ROBO2: variants seen among roughly 807,000 people sequenced by gnomAD.
ROBO2 encodes the protein roundabout guidance receptor 2.
ROBO2 carries 53 observed loss-of-function variants against 160.8 expected under a neutral mutation model. That is an observed-to-expected ratio of 0.33 (90% confidence interval 0.26 to 0.41). The LOEUF is 0.41. ROBO2 is among the 10% of genes least tolerant of loss of function. ROBO2 has a pLI of 1.00. For missense variants in ROBO2, 1,577 were observed against 1,722.4 expected, an observed-to-expected ratio of 0.92 and a Z score of 1.49; for synonymous variants, 664 against 611.7, an observed-to-expected ratio of 1.09 and a Z score of -1.26.
At chr3:76,799,640 C>G (rs1167012125) in intron 2 of ROBO2, among the ~76,000 whole-genome samples, 1 of 151,602 alleles carries the variant, frequency 6.6e-6, no homozygotes, top group Non-Finnish European at 1.5e-5. Flanking sequence ...ACAAAGAAAA[C>G]AAAATACCCA....
chr3:75,986,732 A>G (rs2065425605), intron 2 of ROBO2, among the ~76,000 whole-genome samples: 1 of 151,634 alleles, frequency 6.6e-6, no homozygotes, highest in African/African-American at 2.4e-5. Context: ...GCATAGTGTT[A>G]TACGAGGGTC....
intron 2 of ROBO2, among the ~76,000 whole-genome samples, chr3:76,564,625 G>A (rs1483478932): frequency 6.6e-6 from 1 of 152,182 alleles, no homozygotes; most frequent in Non-Finnish European, 1.5e-5. Flanking sequence ...TCCAGGCTCT[G>A]TGAGGCCATG....
chr3:77,075,582 G>A lies in ROBO2; in HGVS notation c.62-22432G>A, dbSNP rs148208146. 7.8e-3 allele frequency among the ~76,000 whole-genome samples: 1,174 copies of A among 150,060 alleles called. 10 individuals carry two copies. The highest frequency in any genetic ancestry group is 0.013 in the Non-Finnish European group (865 of 67,664). ...AACTAACAGAAAAAGTAACTTTTTTGCATTTAAATGTTGATATATACAACA... is the reference window on the plus strand; with the variant it reads ...AACTAACAGAAAAAGTAACTTTTTTACATTTAAATGTTGATATATACAACA... On this transcript the variant is annotated intron_variant, in intron 1 of 25. Transcript: ENST00000461745.
At chr3:76,117,290 A>T (rs900815853) in intron 2 of ROBO2, among the ~76,000 whole-genome samples, 2 of 152,154 alleles carry the variant, frequency 1.3e-5, no homozygotes, top group Admixed American at 6.6e-5. Flanking sequence ...CTCATCCATT[A>T]TTGTGGCTAT....
chr3:76,069,469 C>G (rs542684681), intron 2 of ROBO2, among the ~76,000 whole-genome samples: 1 of 151,516 alleles, frequency 6.6e-6, no homozygotes, highest in African/African-American at 2.4e-5. Context: ...GGAATATTGC[C>G]TTAGTTTCCT....
chr3:76,155,787 A>G (rs1427205494), intron 2 of ROBO2, among the ~76,000 whole-genome samples: 1 of 152,190 alleles, frequency 6.6e-6, no homozygotes, highest in African/African-American at 2.4e-5. Context: ...CAATGTAAAG[A>G]ATATCTGTAA....
At chr3:77,223,087 C>G (rs1256945315) in intron 2 of ROBO2, among the ~76,000 whole-genome samples, 1 of 152,124 alleles carries the variant, frequency 6.6e-6, no homozygotes, top group African/African-American at 2.4e-5. Flanking sequence ...TTTATTCACC[C>G]TGAAAGCTCT....
At chr3:76,099,399 GA>G (rs11304764) in intron 2 of ROBO2, among the ~76,000 whole-genome samples, 125,016 of 150,370 alleles carry the variant, frequency 0.83, 52,395 homozygotes, top group African/African-American at 0.95. Flanking sequence ...ATTTTGTGCT[GA>G]AAAAAAAAAA....
chr3:76,031,692 C>T (rs985758195), intron 2 of ROBO2, among the ~76,000 whole-genome samples: 5 of 151,854 alleles, frequency 3.3e-5, no homozygotes, highest in African/African-American at 1.2e-4. Flanking sequence ...TTAAACCAGC[C>T]TTGCATCCCA....
intron 2 of ROBO2, among the ~76,000 whole-genome samples, chr3:76,442,525 A>G (rs1414066312): frequency 1.3e-5 from 2 of 152,174 alleles, no homozygotes; most frequent in African/African-American, 4.8e-5. Flanking sequence ...AAGTACAAGC[A>G]GCTGATGTTA....
chr3:76,163,412 G>A (rs916561296), intron 2 of ROBO2, among the ~76,000 whole-genome samples: 11 of 150,966 alleles, frequency 7.3e-5, no homozygotes, highest in South Asian at 2.1e-4. Flanking sequence ...TTATTATAAC[G>A]TGGTATTGAA....
At chr3:77,624,821 A>G (rs1157794335) in intron 23 of ROBO2, among the ~76,000 whole-genome samples, 2 of 152,136 alleles carry the variant, frequency 1.3e-5, no homozygotes, top group Non-Finnish European at 2.9e-5. Flanking sequence ...TCTAACAGTT[A>G]CAGGAGGCAG....
intron 2 of ROBO2, among the ~76,000 whole-genome samples, chr3:76,141,943 CATTAGTTAAATGA>C (rs2071684941): frequency 6.6e-6 from 1 of 151,888 alleles, no homozygotes; most frequent in Admixed American, 6.6e-5. Context: ...CACTAATGCA[CATTAGTTAAATGA>C]ATGACTAAGA....
At chr3:76,741,933 T>C (rs888210728) in intron 2 of ROBO2, among the ~76,000 whole-genome samples, 6 of 152,082 alleles carry the variant, frequency 3.9e-5, no homozygotes, top group African/African-American at 1.4e-4. Flanking sequence ...GAGGCCTTTA[T>C]AAGAGTTATG....
At chr3:75,994,250 G>T (rs2065661891) in intron 2 of ROBO2, among the ~76,000 whole-genome samples, 1 of 152,114 alleles carries the variant, frequency 6.6e-6, no homozygotes, top group Admixed American at 6.5e-5. Context: ...ACCTTTGAAG[G>T]TGCCTTATTT....
At chr3:76,136,936 T>C (rs1347088985) in intron 2 of ROBO2, among the ~76,000 whole-genome samples, 2 of 152,024 alleles carry the variant, frequency 1.3e-5, no homozygotes, top group Non-Finnish European at 2.9e-5. Context: ...AAATCAAGTC[T>C]ATAGAAAACA....
chr3:76,031,461 A>G (rs1310560262), intron 2 of ROBO2, among the ~76,000 whole-genome samples: 1 of 152,178 alleles, frequency 6.6e-6, no homozygotes, highest in South Asian at 2.1e-4. Context: ...GGGAATGCCT[A>G]CAGTTTTTGC....
At chr3:76,383,552 C>T (rs1280009976) in intron 2 of ROBO2, among the ~76,000 whole-genome samples, 1 of 152,048 alleles carries the variant, frequency 6.6e-6, no homozygotes, top group African/African-American at 2.4e-5. Context: ...GCTTAAATTA[C>T]TTGTCAATAT....
At chr3:77,388,058 G>A (rs529693532) in intron 2 of ROBO2, among the ~76,000 whole-genome samples, 2 of 152,120 alleles carry the variant, frequency 1.3e-5, no homozygotes, top group African/African-American at 2.4e-5. Context: ...CCCCTGCCGA[G>A]TGGTCAGATA....
Sources: gnomAD v4.1 joint callset for allele counts (sites outside exome capture counted in the v4.1 genomes callset) on GRCh38, gnomAD v4.1.1 for gene constraint, MANE v1.5 for transcripts, NCBI Gene and HGNC (gene_info 2026-07-23, HGNC 2026-07-21) for gene names.